Variants in IGF2BP3 observed in about 807,000 individuals in gnomAD.
IGF2BP3 encodes the protein insulin-like growth factor 2 mRNA-binding protein 3.
In IGF2BP3, 9 loss-of-function variants were observed where a neutral mutation model predicts 73.8. The ratio of observed to expected loss-of-function variants is 0.12; its 90% CI spans 0.07 to 0.21. The LOEUF (loss-of-function observed/expected upper bound fraction) is 0.21. IGF2BP3 is among the 10% of genes least tolerant of loss of function. The probability of loss-of-function intolerance (pLI) is 1.00; values close to 1 mark genes in which losing one functional copy is unlikely to be tolerated. For synonymous variants in IGF2BP3, 258 were observed against 256.7 expected, an observed-to-expected ratio of 1.01 and a Z score of -0.05; for missense variants, 542 against 714.0, an observed-to-expected ratio of 0.76 and a Z score of 2.75.
intron 12 of IGF2BP3, among the ~76,000 whole-genome samples, chr7:23,314,592 C>A (rs535622843): frequency 6.6e-6 from 1 of 152,070 alleles, no homozygotes; most frequent in East Asian, 1.9e-4. Context: ...CCAGTGCAAG[C>A]CACCACACCT....
intron 2 of IGF2BP3, among the ~76,000 whole-genome samples, chr7:23,453,377 G>A (rs567455277): frequency 5.3e-5 from 8 of 152,048 alleles, no homozygotes; most frequent in Non-Finnish European, 7.4e-5. Context: ...TTTTTTGCTC[G>A]AAAAGTAGAC....
At position 23,346,049 on chromosome 7, in the gene IGF2BP3, G is replaced by T; in HGVS notation, c.832C>A (p.Pro278Thr). Reference sequence around the variant, plus strand: ...TTATTATGAGCTAAAATCTTCAAGGGGATCTCTTCTGTGCTGTAAATAGAA... The same window carrying T: ...TTATTATGAGCTAAAATCTTCAAGGTGATCTCTTCTGTGCTGTAAATAGAA... The part of the protein sequence containing the change: ...AQDIKFTEEI[P>T]LKILAHNNFV... The change falls in exon 8 of 15, where the codon CCC becomes ACC. Residue 278 changes from proline (P) to threonine (T), a missense_variant. By Grantham distance (38) the Pro-to-Thr change is conservative. Around this residue, in one of 2 missense-constraint regions of IGF2BP3, gnomAD observed 303 missense variants for 472.1 expected, o/e 0.64. Transcript: ENST00000258729. The T allele has an allele frequency of 6.2e-7, 1 of 1,612,942 alleles. No homozygotes were observed. Among genetic ancestry groups the T allele is most frequent in the Non-Finnish European group, 8.5e-7 (1 of 1,179,840 alleles).
Position 23,437,462 on chromosome 7 carries a change from G to A in IGF2BP3, c.237-18638C>T, listed in dbSNP as rs189458409. Among the ~76,000 whole-genome samples, 680 of 150,434 alleles carry A rather than the reference G, an allele frequency of 4.5e-3. 1 individual carries two copies. The highest frequency in any genetic ancestry group is 7.4e-3 in the Non-Finnish European group (499 of 67,882). ...GGCACCATTGCATTCCAGCCTGGGG[G>A]ACAAGAGCGAGACTTCATTTCAAAA... is the stretch of plus-strand genomic sequence containing the variant. On this transcript the variant is annotated intron_variant, in intron 2 of 14. Coordinates refer to ENST00000258729, the MANE Select transcript of IGF2BP3 (RefSeq NM_006547.3).
chr7:23,456,856 G>A (rs1478542501), intron 2 of IGF2BP3, among the ~76,000 whole-genome samples: 1 of 152,066 alleles, frequency 6.6e-6, no homozygotes, highest in African/African-American at 2.4e-5. Flanking sequence ...GACCATCCTG[G>A]CCAACCAATA....
intron 2 of IGF2BP3, among the ~76,000 whole-genome samples, chr7:23,451,121 A>T (rs904349413): frequency 6.6e-6 from 1 of 152,326 alleles, no homozygotes; most frequent in African/African-American, 2.4e-5. Context: ...GTTCTCTTTT[A>T]TAAGAGTGTT....
chr7:23,312,069 CTG>C lies in IGF2BP3; in HGVS notation c.*291_*292del, dbSNP rs1783845804. The C allele has an allele frequency of 2.8e-6, 1 of 359,246 alleles. No individual in the cohort carries two copies. The highest frequency in any genetic ancestry group is 4.3e-5 in the Admixed American group (1 of 23,030). 22.3% of individuals were successfully genotyped at this position (359,246 alleles called of 1,614,324 possible). A position where few individuals can be genotyped will look rare whatever the true frequency, so the allele number is the denominator to read the frequency against. ...AAGAAGAATTAGAATATCTGTTATA[CTG>C]TGAGACTACAACAAAGGGAAGTGCA... On this transcript the variant is annotated 3_prime_UTR_variant, in exon 15 of 15. Coordinates refer to ENST00000258729, the MANE Select transcript of IGF2BP3 (RefSeq NM_006547.3).
intron 2 of IGF2BP3, among the ~76,000 whole-genome samples, chr7:23,462,600 G>A (rs1788478174): frequency 6.6e-6 from 1 of 152,106 alleles, no homozygotes; most frequent in African/African-American, 2.4e-5. Context: ...CTGACCTCGT[G>A]ATCCACCCAC....
At chr7:23,326,351 G>T (rs139891765) in intron 10 of IGF2BP3, among the ~76,000 whole-genome samples, 10,754 of 152,128 alleles carry the variant, frequency 0.071, 751 homozygotes, top group African/African-American at 0.18. Flanking sequence ...GAAATACAAA[G>T]CAAAACCACA....
chr7:23,433,265 A>G (rs1348024090), intron 2 of IGF2BP3, among the ~76,000 whole-genome samples: 1 of 152,154 alleles, frequency 6.6e-6, no homozygotes, highest in Non-Finnish European at 1.5e-5. Context: ...ATTTTTAAAC[A>G]GTGATTTTTA....
At chr7:23,431,302 A>C (rs1469761295) in intron 2 of IGF2BP3, 1 of 152,254 alleles carries the variant, frequency 6.6e-6, no homozygotes, top group African/African-American at 2.4e-5. Flanking sequence ...TAATATCAGA[A>C]TGAACCAAGA....
At chr7:23,322,175 A>G (rs1201523912) in intron 10 of IGF2BP3, among the ~76,000 whole-genome samples, 3 of 152,178 alleles carry the variant, frequency 2.0e-5, no homozygotes, top group Admixed American at 2.0e-4. Context: ...AACTTTGAAA[A>G]AAGTTTAGAA....
intron 10 of IGF2BP3, among the ~76,000 whole-genome samples, chr7:23,328,992 G>A (rs960040877): frequency 1.8e-4 from 27 of 152,112 alleles, no homozygotes; most frequent in African/African-American, 6.5e-4. Context: ...GGAGGATCAC[G>A]AGGTCCGGAG....
Position 23,451,630 on chromosome 7 carries a change from T to C in IGF2BP3, c.236+16852A>G, listed in dbSNP as rs191334868. On this transcript the variant is annotated intron_variant, in intron 2 of 14. Transcript: ENST00000258729. ...CAAAACAGACCTCTATCATTCCTTA[T>C]AACTGCTACAAAATATGCCACAGAA... 3.5e-3 allele frequency among the ~76,000 whole-genome samples: 530 copies of C among 152,120 alleles called. 1 individual carries two copies. Among genetic ancestry groups the C allele is most frequent in the Non-Finnish European group, 5.9e-3 (403 of 68,006 alleles).
At chr7:23,445,109 A>AT (rs1788029734) in intron 2 of IGF2BP3, among the ~76,000 whole-genome samples, 1 of 152,158 alleles carries the variant, frequency 6.6e-6, no homozygotes, top group African/African-American at 2.4e-5. Context: ...GCTAAGTCGT[A>AT]TTTTTTCTAA....
intron 3 of IGF2BP3, among the ~76,000 whole-genome samples, chr7:23,379,563 G>A (rs1169214298): frequency 2.0e-5 from 3 of 152,210 alleles, no homozygotes; most frequent in Admixed American, 1.3e-4. Context: ...TAATCAAGGA[G>A]AAGTTATGGT....
At chr7:23,416,430 A>G (rs546678528) in intron 3 of IGF2BP3, among the ~76,000 whole-genome samples, 31 of 152,130 alleles carry the variant, frequency 2.0e-4, no homozygotes, top group African/African-American at 7.0e-4. Context: ...GGAATATCCC[A>G]TATTTAGGAC....
rs1319705472 is a variant in IGF2BP3, at chr7:23,378,372, T to A, written c.286-16631A>T. ...TAGATAGTTTTCAAAAAAAAAAAAA[T>A]GCCAGGAAAATAGACATTTCTCTTC... On this transcript the variant is annotated intron_variant, in intron 3 of 14. Coordinates refer to ENST00000258729, the MANE Select transcript of IGF2BP3 (RefSeq NM_006547.3). 3.6e-5 allele frequency among the ~76,000 whole-genome samples: 5 copies of A among 139,774 alleles called. No individual in the cohort carries two copies. In the East Asian group the frequency reaches 6.2e-4, roughly 17 times the overall value. 91.7% of individuals were successfully genotyped at this position (139,774 alleles called of 152,430 possible).
chr7:23,388,908 A>G (rs1338680870), intron 3 of IGF2BP3, among the ~76,000 whole-genome samples: 3 of 152,110 alleles, frequency 2.0e-5, no homozygotes, highest in Non-Finnish European at 4.4e-5. Flanking sequence ...CAACAGGTAA[A>G]CAAGTAAATA....
At chr7:23,383,708 C>T (rs1173506366) in intron 3 of IGF2BP3, among the ~76,000 whole-genome samples, 1 of 152,040 alleles carries the variant, frequency 6.6e-6, no homozygotes, top group African/African-American at 2.4e-5. Flanking sequence ...ATTACTATAG[C>T]CAAAAAGTGG....
Sources: gnomAD v4.1 joint callset for allele counts (sites outside exome capture counted in the v4.1 genomes callset) on GRCh38, gnomAD v4.1.1 for gene constraint, gnomAD v4.1.1 regional missense constraint, MANE v1.5 for transcripts, NCBI Gene and HGNC (gene_info 2026-07-23, HGNC 2026-07-21) for gene names.